Variants in NRG2 observed in about 807,000 individuals in gnomAD.
The protein encoded by NRG2 is pro-neuregulin-2, membrane-bound isoform.
Under a neutral mutation model 73.9 loss-of-function variants are expected in NRG2, and 27 were observed. The observed-to-expected ratio is 0.37, with a 90% CI of 0.27 to 0.50. NRG2 has a LOEUF of 0.50. NRG2 is among the 20% of genes least tolerant of loss of function. The pLI is 0.96. For synonymous variants in NRG2, 532 were observed against 541.0 expected, an observed-to-expected ratio of 0.98 and a Z score of 0.23; for missense variants, 1,126 against 1,210.1, an observed-to-expected ratio of 0.93 and a Z score of 1.03.
chr5:139,970,885 C>T (rs75868541), intron 1 of NRG2, among the ~76,000 whole-genome samples: 1 of 152,184 alleles, frequency 6.6e-6, no homozygotes, highest in Middle Eastern at 3.2e-3. Flanking sequence ...ATCCATGAAA[C>T]CTTTCCAAAC....
At chr5:139,925,519 A>C (rs1174794435) in intron 1 of NRG2, among the ~76,000 whole-genome samples, 1 of 152,258 alleles carries the variant, frequency 6.6e-6, no homozygotes, top group Non-Finnish European at 1.5e-5. Flanking sequence ...GCTTGCAGCT[A>C]AGTGGCTGGG....
intron 4 of NRG2, among the ~76,000 whole-genome samples, chr5:139,866,246 G>A (rs947375000): frequency 1.3e-5 from 2 of 152,190 alleles, no homozygotes; most frequent in African/African-American, 2.4e-5. Context: ...CATTCTCAGG[G>A]TGCCTTGTAG....
chr5:139,907,864 T>C (rs941576173), intron 1 of NRG2, among the ~76,000 whole-genome samples: 11 of 152,162 alleles, frequency 7.2e-5, no homozygotes, highest in Non-Finnish European at 1.6e-4. Context: ...GCAGACCAGG[T>C]TTATGTTAGG....
At chr5:139,972,536 C>G (rs1756048515) in intron 1 of NRG2, among the ~76,000 whole-genome samples, 1 of 152,138 alleles carries the variant, frequency 6.6e-6, no homozygotes, top group South Asian at 2.1e-4. Flanking sequence ...ACCAGCCTGG[C>G]CAACATAGTG....
intron 1 of NRG2, among the ~76,000 whole-genome samples, chr5:139,952,174 T>A (rs1043463578): frequency 3.9e-5 from 6 of 152,222 alleles, no homozygotes; most frequent in Non-Finnish European, 7.3e-5. Context: ...GCCTGACACA[T>A]AGTTGGCACC....
rs376470008 is a variant in NRG2, at chr5:139,929,706, G to A, written c.701-42195C>T. Among the ~76,000 whole-genome samples, 276 of 152,210 alleles carry A rather than the reference G, an allele frequency of 1.8e-3. 2 individuals are homozygous for A. The highest frequency in any genetic ancestry group is 6.3e-3 in the African/African-American group (260 of 41,538). On this transcript the variant is annotated intron_variant, in intron 1 of 9. Transcript: ENST00000361474. ...CTTTTCTCAAATGTTTTTAACCACA[G>A]GATTGCTTCCCCCCTTGGTCAAAAG...
intron 1 of NRG2, among the ~76,000 whole-genome samples, chr5:139,947,031 G>A (rs71581516): frequency 0.14 from 21,296 of 151,750 alleles, 1,615 homozygotes; most frequent in South Asian, 0.25. Context: ...GATAACAAGC[G>A]TTGGTGAGGA....
At chr5:139,916,885 A>G (rs1288295967) in intron 1 of NRG2, among the ~76,000 whole-genome samples, 1 of 152,198 alleles carries the variant, frequency 6.6e-6, no homozygotes, top group Non-Finnish European at 1.5e-5. Flanking sequence ...TTGTGTGGAC[A>G]TGTGCTTTCA....
chr5:140,022,102 C>G (rs1409422122), intron 1 of NRG2, among the ~76,000 whole-genome samples: 2 of 152,198 alleles, frequency 1.3e-5, no homozygotes, highest in Admixed American at 6.5e-5. Flanking sequence ...CTAGAACCAC[C>G]TGTCATCCTA....
At chr5:139,974,304 C>T (rs1207357061) in intron 1 of NRG2, among the ~76,000 whole-genome samples, 1 of 151,818 alleles carries the variant, frequency 6.6e-6, no homozygotes, top group Non-Finnish European at 1.5e-5. Context: ...TCCCCCTTTT[C>T]CTCTTCCCCT....
At chr5:139,933,823 A>G (rs1752650186) in intron 1 of NRG2, among the ~76,000 whole-genome samples, 1 of 152,264 alleles carries the variant, frequency 6.6e-6, no homozygotes, top group African/African-American at 2.4e-5. Flanking sequence ...AGCAAGATTA[A>G]TAATATGCTT....
chr5:139,968,726 T>C (rs564476821), intron 1 of NRG2, among the ~76,000 whole-genome samples: 1 of 152,306 alleles, frequency 6.6e-6, no homozygotes, highest in East Asian at 1.9e-4. Flanking sequence ...CAACGGCATA[T>C]TATTGGACAG....
intron 1 of NRG2, among the ~76,000 whole-genome samples, chr5:139,990,309 T>A (rs1298891499): frequency 6.6e-6 from 1 of 151,676 alleles, no homozygotes; most frequent in Non-Finnish European, 1.5e-5. Flanking sequence ...TATTTTATTT[T>A]ATTTTATTTT....
Position 139,904,598 on chromosome 5 carries a change from G to A in NRG2, c.701-17087C>T, listed in dbSNP as rs1301350209. 2.0e-5 allele frequency among the ~76,000 whole-genome samples: 3 copies of A among 152,160 alleles called. No individual in the cohort carries two copies. Among genetic ancestry groups the A allele is most frequent in the Non-Finnish European group, 2.9e-5 (2 of 68,014 alleles). On this transcript the variant is annotated intron_variant, in intron 1 of 9. Coordinates refer to ENST00000361474, the MANE Select transcript of NRG2 (RefSeq NM_004883.3). This position sits in a 1 kb window ranked among gnomAD's most constrained non-coding sequence, Gnocchi z 6.0. Reference sequence around the variant, plus strand: ...CCCCCTCCACCGGCTCGGGCCGCGGGGGCGTGTGGGCGGCCGGTCTGGGCC... The same window carrying A: ...CCCCCTCCACCGGCTCGGGCCGCGGAGGCGTGTGGGCGGCCGGTCTGGGCC...
At chr5:139,947,140 A>G (rs1211346487) in intron 1 of NRG2, among the ~76,000 whole-genome samples, 1 of 152,172 alleles carries the variant, frequency 6.6e-6, no homozygotes, top group Non-Finnish European at 1.5e-5. Flanking sequence ...GTGCAATTCA[A>G]TGATTTTTAA....
At chr5:139,881,435 T>C (rs1247794445) in intron 2 of NRG2, among the ~76,000 whole-genome samples, 2 of 152,214 alleles carry the variant, frequency 1.3e-5, no homozygotes, top group African/African-American at 4.8e-5. Flanking sequence ...CCCATGGTGA[T>C]GGTGCCCAGA....
At chr5:139,871,892 C>T in intron 3 of NRG2, 51 bp from the exon 4 acceptor site, 1 of 1,588,902 alleles carries the variant, frequency 6.3e-7, no homozygotes, top group Non-Finnish European at 8.6e-7. Context: ...TATCCCTAGG[C>T]CCCAGGAATC....
rs943563806 is a variant in NRG2 at position 139,857,588 on chromosome 5, C to T, written c.1190-1810G>A. The stretch of plus-strand genomic sequence containing the variant: ...TTTCCTATTGCAGTCATCTGTGATC[C>T]CTTTCTGCTTGCTATTCATGTCCTT... On this transcript the variant is annotated intron_variant, in intron 5 of 9. Coordinates refer to ENST00000361474, the MANE Select transcript of NRG2 (RefSeq NM_004883.3). Among the ~76,000 whole-genome samples the T allele has an allele frequency of 3.3e-5, 5 of 152,044 alleles. No homozygotes were observed. The South Asian group carries it at 1.0e-3, about 32-fold the overall frequency.
intron 1 of NRG2, among the ~76,000 whole-genome samples, chr5:140,018,274 T>C (rs1759949354): frequency 6.6e-6 from 1 of 152,086 alleles, no homozygotes; most frequent in Admixed American, 6.5e-5. Context: ...CTCTGGGAGA[T>C]GGCCCGGCAT....
Sources: allele counts gnomAD v4.1 joint callset (sites outside exome capture counted in the v4.1 genomes callset), GRCh38; gene constraint gnomAD v4.1.1; non-coding constraint Gnocchi (gnomAD v3.1); transcripts MANE v1.5; gene names NCBI Gene and HGNC (gene_info 2026-07-23, HGNC 2026-07-21).